ASIC2: variants seen among roughly 807,000 people sequenced by gnomAD.
ASIC2 encodes acid sensing ion channel subunit 2, also known as acid-sensing ion channel 2.
In ASIC2, 25 loss-of-function variants were observed where a neutral mutation model predicts 57.3. That is an observed-to-expected ratio of 0.44 (90% CI 0.32 to 0.61). The LOEUF is 0.61. Ranked by LOEUF, ASIC2 falls within the 20% of genes least tolerant of loss-of-function variation. ASIC2 has a pLI of 0.06. For synonymous variants in ASIC2, 319 were observed against 307.5 expected (o/e 1.04, Z -0.39); for missense variants, 641 against 738.1 (o/e 0.87, Z 1.52).
intron 1 of ASIC2, among the ~76,000 whole-genome samples, chr17:33,654,774 G>A (rs1271365732): frequency 6.6e-6 from 1 of 152,180 alleles, no homozygotes; most frequent in African/African-American, 2.4e-5. Flanking sequence ...TGGTAAAACA[G>A]GCCACTAAGA....
At chr17:33,425,036 T>A (rs1464914316) in intron 1 of ASIC2, among the ~76,000 whole-genome samples, 1 of 152,220 alleles carries the variant, frequency 6.6e-6, no homozygotes, top group African/African-American at 2.4e-5. Flanking sequence ...TTTACACACA[T>A]TATTCCACTT....
chr17:33,852,517 T>A (rs1015178380), intron 1 of ASIC2, among the ~76,000 whole-genome samples: 4 of 152,190 alleles, frequency 2.6e-5, no homozygotes, highest in Non-Finnish European at 2.9e-5. Context: ...TTTTACATGA[T>A]CTTAATCCAC....
At position 33,954,289 on chromosome 17, in the gene ASIC2, C is replaced by T. The variant is rs183456152; in HGVS notation, c.555+201689G>A. On this transcript the variant is annotated intron_variant, in intron 1 of 9. Transcript: ENST00000359872. ...TGTGTGCAGCAGAATGTGGAAAGTTCTCAGGAGTGTGGTATCTGTGACCCA... is the reference window on the plus strand; with the variant it reads ...TGTGTGCAGCAGAATGTGGAAAGTTTTCAGGAGTGTGGTATCTGTGACCCA... 3.1e-3 allele frequency among the ~76,000 whole-genome samples: 472 copies of T among 152,246 alleles called. 9 individuals carry two copies. Among genetic ancestry groups the T allele is most frequent in the African/African-American group, 0.011 (445 of 41,548 alleles).
intron 1 of ASIC2, among the ~76,000 whole-genome samples, chr17:33,244,875 G>C (rs190845067): frequency 3.9e-5 from 6 of 152,340 alleles, no homozygotes; most frequent in African/African-American, 1.2e-4. Flanking sequence ...TTGGGAGTAA[G>C]AGGAACAGGA....
intron 1 of ASIC2, among the ~76,000 whole-genome samples, chr17:33,675,075 TGGA>T (rs1172080467): frequency 1.3e-5 from 2 of 152,232 alleles, no homozygotes; most frequent in Non-Finnish European, 2.9e-5. Context: ...TCTGGTGTTG[TGGA>T]GATTAATGAC....
intron 1 of ASIC2, among the ~76,000 whole-genome samples, chr17:33,418,024 A>ATGTGTG (rs57341033): frequency 0.012 from 1,269 of 110,038 alleles, 12 homozygotes; most frequent in African/African-American, 0.015. Flanking sequence ...CTCAGCATGT[A>ATGTGTG]TGTATGTGTG....
chr17:33,678,435 C>CACACACACACACA (rs1907894434), intron 1 of ASIC2, among the ~76,000 whole-genome samples: 1 of 139,506 alleles, frequency 7.2e-6, no homozygotes, highest in African/African-American at 2.6e-5. Context: ...CTGGTTCAAT[C>CACACACACACACA]CACACACACA....
At chr17:33,711,199 G>A (rs759473370) in intron 1 of ASIC2, among the ~76,000 whole-genome samples, 16 of 152,218 alleles carry the variant, frequency 1.1e-4, no homozygotes, top group African/African-American at 3.6e-4. Context: ...CTGCTGCACT[G>A]CAGCCCAGCC....
At chr17:33,055,673 T>C (rs540742520) in intron 3 of ASIC2, among the ~76,000 whole-genome samples, 14 of 152,346 alleles carry the variant, frequency 9.2e-5, no homozygotes, top group Admixed American at 2.6e-4. Flanking sequence ...GCTTGGTGTC[T>C]GATTTTTATA....
intron 3 of ASIC2, among the ~76,000 whole-genome samples, chr17:33,066,013 A>G (rs1045229465): frequency 1.3e-5 from 2 of 152,096 alleles, no homozygotes; most frequent in African/African-American, 4.8e-5. Context: ...CTCCCAACCT[A>G]CAACAGAAAG....
At chr17:34,120,722 C>CTTTT (rs142959293) in intron 1 of ASIC2, among the ~76,000 whole-genome samples, 118 of 94,574 alleles carry the variant, frequency 1.2e-3, no homozygotes, top group African/African-American at 1.7e-3. Context: ...TGGGGTCCTT[C>CTTTT]TTTTTTTTTT....
chr17:33,773,007 T>C (rs1791634217), intron 1 of ASIC2, among the ~76,000 whole-genome samples: 1 of 152,204 alleles, frequency 6.6e-6, no homozygotes, highest in Non-Finnish European at 1.5e-5. Context: ...GAAACGACTG[T>C]TATTTGTGCC....
At chr17:33,765,192 G>A (rs868505656) in intron 1 of ASIC2, among the ~76,000 whole-genome samples, 2 of 151,992 alleles carry the variant, frequency 1.3e-5, no homozygotes, top group Non-Finnish European at 2.9e-5. Flanking sequence ...TGCAAGCTCC[G>A]CCTCCCGGGT....
intron 1 of ASIC2, among the ~76,000 whole-genome samples, chr17:34,120,345 G>T (rs1444574126): frequency 6.6e-6 from 1 of 152,114 alleles, no homozygotes; most frequent in Non-Finnish European, 1.5e-5. Context: ...GGTGCCCACT[G>T]CTCCTCCTGC....
intron 1 of ASIC2, among the ~76,000 whole-genome samples, chr17:33,865,112 G>T (rs1383164542): frequency 6.6e-6 from 1 of 152,178 alleles, no homozygotes; most frequent in East Asian, 1.9e-4. Context: ...CCTAGCAACT[G>T]AAGAGATGAA....
At chr17:33,129,021 A>T (rs1280033363) in intron 1 of ASIC2, among the ~76,000 whole-genome samples, 1 of 152,218 alleles carries the variant, frequency 6.6e-6, no homozygotes, top group Non-Finnish European at 1.5e-5. Context: ...CACTCAGTAG[A>T]AATTTGTTGA....
At chr17:33,824,896 G>A (rs929703680) in intron 1 of ASIC2, among the ~76,000 whole-genome samples, 9 of 152,084 alleles carry the variant, frequency 5.9e-5, no homozygotes, top group South Asian at 2.1e-4. Context: ...AGCCAGTCTC[G>A]GGTATGTCTT....
intron 1 of ASIC2, among the ~76,000 whole-genome samples, chr17:33,710,169 C>T (rs532031436): frequency 1.4e-4 from 21 of 152,356 alleles, no homozygotes; most frequent in African/African-American, 5.1e-4. Context: ...TATGTCACTG[C>T]CAACGGCAAG....
chr17:33,072,637 A>G (rs2092073900), intron 3 of ASIC2, among the ~76,000 whole-genome samples: 1 of 152,216 alleles, frequency 6.6e-6, no homozygotes, highest in Non-Finnish European at 1.5e-5. Flanking sequence ...GTACGTAGGC[A>G]GGCATTCGGC....
Sources: gnomAD v4.1 joint callset for allele counts (sites outside exome capture counted in the v4.1 genomes callset) on GRCh38, gnomAD v4.1.1 for gene constraint, MANE v1.5 for transcripts, NCBI Gene and HGNC (gene_info 2026-07-23, HGNC 2026-07-21) for gene names.